WIZ: variants seen among roughly 807,000 people sequenced by gnomAD.
The protein encoded by WIZ is protein Wiz.
A neutral mutation model predicts 140.2 loss-of-function variants in WIZ; 25 were observed. That is an observed-to-expected ratio of 0.18 (90% CI 0.13 to 0.25). The LOEUF (loss-of-function observed/expected upper bound fraction) is 0.25. WIZ is among the 10% of genes least tolerant of loss of function. WIZ has a pLI of 1.00. For synonymous variants in WIZ, 1,125 were observed against 1,154.3 expected, an observed-to-expected ratio of 0.97 and a Z score of 0.51; for missense variants, 2,231 against 2,632.6, an observed-to-expected ratio of 0.85 and a Z score of 3.34.
At position 15,439,648 on chromosome 19, in the gene WIZ, GC is replaced by G; in HGVS notation, c.1345del (p.Ala449ProfsTer35). 1 of 1,495,980 alleles carries G rather than the reference GC, an allele frequency of 6.7e-7. No homozygotes were observed. The highest frequency in any genetic ancestry group is 8.9e-7 in the Non-Finnish European group (1 of 1,128,750). 92.7% of individuals were successfully genotyped at this position (1,495,980 alleles called of 1,614,324 possible). The stretch of plus-strand genomic sequence containing the variant: ...GTAGGGCTGATAGAGGAGGGCGCTG[GC>G]CTCAGGGCTGGGGCTGCCAGCCCCG... ...SSGAGSPSPEASALLYQPYGA... is the reference protein window; with the variant it reads ...SSGAGSPSPEXSALLYQPYGA... On this transcript the variant is annotated frameshift_variant, in exon 4 of 13. Transcript: ENST00000673675. LOFTEE classifies it high-confidence loss of function. This position sits in a 1 kb window ranked among gnomAD's most constrained non-coding sequence, Gnocchi z 7.0.
chr19:15,436,777 C>T (rs746492196), intron 5 of WIZ, 29 bp downstream of exon 5: 1 of 1,529,490 alleles, frequency 6.5e-7, no homozygotes, highest in East Asian at 2.4e-5. Flanking sequence ...AAGGATGGGG[C>T]TCCAGCACAG....
intron 10 of WIZ, 102 bp downstream of exon 10, chr19:15,425,139 C>A: frequency 6.6e-7 from 1 of 1,524,092 alleles, no homozygotes; most frequent in Non-Finnish European, 8.8e-7. Context: ...ACAGACCCAG[C>A]CATGGGGGCC....
In WIZ at chr19:15,427,159, T is replaced by C. The variant is rs529888125; in HGVS notation, c.4189A>G (p.Thr1397Ala). 2.5e-6 allele frequency: 4 copies of C among 1,613,994 alleles called. No homozygotes were observed. Among genetic ancestry groups the C allele is most frequent in the Non-Finnish European group, 3.4e-6 (4 of 1,179,984 alleles). The change falls in exon 9 of 13, where the codon ACG becomes GCG. Residue 1397 changes from threonine (T) to alanine (A), a missense_variant. Physicochemically the swap from Thr to Ala is moderately conservative, Grantham distance 58. This residue lies in a region of WIZ where 393 missense variants were observed against 451.7 expected (regional missense o/e 0.87). Coordinates refer to ENST00000673675, the MANE Select transcript of WIZ (RefSeq NM_001371589.1). The surrounding 1 kb of genome is among the most constrained non-coding windows in gnomAD (Gnocchi z 6.4). ...AGGCCTGGGAACATCTTTCGGGCCG[T>C]AGGAGGAGGAGAGGCAGTTGGTGAG... ...GHSPTASPPP[T>A]ARKMFPGLAA...
rs1968990762 is a variant in WIZ at position 15,428,314 on chromosome 19, G to A, written c.3610C>T (p.Pro1204Ser). 6.5e-7 allele frequency: 1 copy of A among 1,533,816 alleles called. No homozygotes were observed. Among genetic ancestry groups the A allele is most frequent in the African/African-American group, 1.4e-5 (1 of 73,078 alleles). ...GGGTGGGCCAGGGCGCCGCGCCTGG[G>A]TGGGAGGCGGATCTGGACGCCGTCC... ...RRDGVQIRLPPRRGALAHPGR... is the reference protein window; with the variant it reads ...RRDGVQIRLPSRRGALAHPGR... Residue 1204 changes from proline to serine, a missense_variant, in exon 8 of 13, where the codon CCC becomes TCC. Pro to Ser is a moderately conservative substitution (Grantham distance 74). This residue lies in a region of WIZ where 141 missense variants were observed against 161.2 expected (regional missense o/e 0.87). Coordinates refer to ENST00000673675, the MANE Select transcript of WIZ (RefSeq NM_001371589.1). This position sits in a 1 kb window ranked among gnomAD's most constrained non-coding sequence, Gnocchi z 6.4.
Position 15,428,353 on chromosome 19 carries a change from C to T in WIZ, c.3571G>A (p.Gly1191Arg), listed in dbSNP as rs1430282554. The T allele has an allele frequency of 2.5e-5, 39 of 1,535,172 alleles. No homozygotes were observed. Among genetic ancestry groups the T allele is most frequent in the Middle Eastern group, 3.3e-4 (2 of 6,000 alleles). ...AKGSPIDVLH[G>R]LIRRDGVQIR... is the part of the protein sequence containing the mutation. ...TGGACGCCGTCCCTCCTGATGAGCC[C>T]GTGGAGCACGTCTATGGGGGATCCC... The change falls in exon 8 of 13, where the codon GGG (glycine) becomes AGG (arginine). Residue 1191 changes from glycine to arginine, a missense_variant. Gly to Arg is a moderately radical substitution (Grantham distance 125, BLOSUM62 -2). Around this residue, in one of 15 missense-constraint regions of WIZ, gnomAD observed 141 missense variants for 161.2 expected, o/e 0.87. Transcript: ENST00000673675. The surrounding 1 kb of genome is among the most constrained non-coding windows in gnomAD (Gnocchi z 6.4).
Position 15,422,915 on chromosome 19 carries a change from C to G in WIZ, c.*161G>C, listed in dbSNP as rs1449568494. ...GGGGGAAGGGCAGCTAGCTGGCTCC[C>G]GGCGCCCTGGCTGTAGTGTGCCCGG... On this transcript the variant is annotated 3_prime_UTR_variant, in exon 13 of 13. Coordinates refer to ENST00000673675, the MANE Select transcript of WIZ (RefSeq NM_001371589.1). 8.9e-7 allele frequency: 1 copy of G among 1,126,642 alleles called. No individual in the cohort carries two copies. The highest frequency in any genetic ancestry group is 1.2e-6 in the Non-Finnish European group (1 of 821,558). The allele number at this position is 1,126,642 out of a possible 1,614,324, so 69.8% of individuals were successfully genotyped here.
chr19:15,429,030 C>T (rs1230710123), intron 7 of WIZ, among the ~76,000 whole-genome samples: 2 of 152,226 alleles, frequency 1.3e-5, no homozygotes, highest in African/African-American at 2.4e-5. Context: ...CTTGTTAAAC[C>T]TGCTCACTGC....
Position 15,437,137 on chromosome 19 carries a change from G to T in WIZ, c.2417-8C>A, listed in dbSNP as rs888934142. 7.6e-6 allele frequency: 12 copies of T among 1,583,078 alleles called. No individual in the cohort carries two copies. The highest frequency in any genetic ancestry group is 9.4e-6 in the Non-Finnish European group (11 of 1,165,340). On this transcript the variant is annotated splice_region_variant and splice_polypyrimidine_tract_variant and intron_variant, in intron 4 of 12. Coordinates refer to ENST00000673675, the MANE Select transcript of WIZ (RefSeq NM_001371589.1). ...CTGGGTCAAAGTTGGCCACTGTGGA[G>T]AGAGGACAGGACTGCCTGAGGTGGA...
Position 15,425,713 on chromosome 19 carries a change from G to A in WIZ, c.4422C>T (p.Phe1474=), listed in dbSNP as rs1599651502. ...DIRCEFCGEF[F]ENRKGLSSHA... The stretch of plus-strand genomic sequence containing the variant: ...GACTCGACAGGCCCTTGCGGTTCTC[G>A]AAGAACTCGCCGCAGAACTCACAGC... The change falls in exon 10 of 13, where the codon TTC becomes TTT. Residue 1474 remains phenylalanine, a synonymous_variant. Coordinates refer to ENST00000673675, the MANE Select transcript of WIZ (RefSeq NM_001371589.1). The A allele has an allele frequency of 9.9e-6, 16 of 1,611,712 alleles. No individual in the cohort carries two copies. The highest frequency in any genetic ancestry group is 1.1e-5 in the Non-Finnish European group (13 of 1,179,254).
rs975566447 is a variant in WIZ, at chr19:15,428,270, G to A, written c.3654C>T (p.Thr1218=). 4 of 1,527,372 alleles carry A rather than the reference G, an allele frequency of 2.6e-6. No individual in the cohort carries two copies. The Admixed American group carries it at 6.0e-5, about 23-fold the overall frequency. The allele number at this position is 1,527,372 out of a possible 1,614,324, so 94.6% of individuals were successfully genotyped here. ...GGGGAAGCAAGGAGAGGGCCGCGGA[G>A]GTGGGAGGCGGCCGCCCCGGGTGGG... ...ALAHPGRPPP[T]SAALSLLPPP... Residue 1218 remains threonine (T), a synonymous_variant, in exon 8 of 13, where the codon ACC becomes ACT. Coordinates refer to ENST00000673675, the MANE Select transcript of WIZ (RefSeq NM_001371589.1). This position sits in a 1 kb window ranked among gnomAD's most constrained non-coding sequence, Gnocchi z 6.4.
At chr19:15,430,118 C>T in intron 6 of WIZ, 29 bp from the exon 7 acceptor site, 11 of 1,487,730 alleles carry the variant, frequency 7.4e-6, no homozygotes, top group Non-Finnish European at 9.8e-6. Context: ...GCCGGGAGAG[C>T]AGGCTGTGAG....
intron 5 of WIZ, chr19:15,433,372 G>C: frequency 1.0e-6 from 1 of 984,694 alleles, no homozygotes; most frequent in Non-Finnish European, 1.2e-6. Flanking sequence ...CCTGGCACCC[G>C]CCCCCTCCTG....
intron 5 of WIZ, 30 bp from the exon 6 acceptor site, chr19:15,431,212 G>A: frequency 6.7e-7 from 1 of 1,484,340 alleles, no homozygotes; most frequent in Non-Finnish European, 8.9e-7. Context: ...GCTCAGCCCA[G>A]ACAAATTTCA....
Position 15,439,812 on chromosome 19 carries a change from G to A in WIZ, c.1182C>T (p.Asp394=), listed in dbSNP as rs963476280. The A allele has an allele frequency of 1.9e-5, 29 of 1,524,460 alleles. No individual in the cohort carries two copies. In the African/African-American group the frequency reaches 3.2e-4, roughly 17 times the overall value. 94.4% of individuals were successfully genotyped at this position (1,524,460 alleles called of 1,614,324 possible). ...EIQKLKQVPG[D]EGREARLQCP... is the part of the protein sequence containing the mutation. ...ACTGCAGCCGTGCCTCCCGGCCCTC[G>A]TCTCCTGGAACTTGCTTCAGCTTTT... The change falls in exon 4 of 13, where the codon GAC becomes GAT. Residue 394 remains aspartate (D), a synonymous_variant. Coordinates refer to ENST00000673675, the MANE Select transcript of WIZ (RefSeq NM_001371589.1). This position sits in a 1 kb window ranked among gnomAD's most constrained non-coding sequence, Gnocchi z 7.0.
chr19:15,435,126 G>C (rs976037873), intron 5 of WIZ, among the ~76,000 whole-genome samples: 7 of 152,098 alleles, frequency 4.6e-5, no homozygotes, highest in African/African-American at 1.7e-4. Context: ...TCTGAGGCAG[G>C]AGAATCGCTT....
intron 5 of WIZ, chr19:15,432,513 C>T (rs1283347950): frequency 3.0e-5 from 13 of 434,910 alleles, no homozygotes; most frequent in Non-Finnish European, 3.7e-5. Context: ...GTGGCGGTGG[C>T]GGTGGTGGTG....
chr19:15,425,172 C>T, intron 10 of WIZ, 69 bp downstream of exon 10: 2 of 1,544,500 alleles, frequency 1.3e-6, no homozygotes, highest in South Asian at 1.2e-5. Context: ...AGTGTGCACG[C>T]TTGTGGCATT....
intron 12 of WIZ, 40 bp from the exon 13 acceptor site, chr19:15,423,275 G>A: frequency 6.2e-7 from 1 of 1,604,354 alleles, no homozygotes. Context: ...CCAGTGCTGT[G>A]AGGAGAGGCG....
Position 15,425,763 on chromosome 19 carries a change from G to C in WIZ, c.4372C>G (p.Arg1458Gly), listed in dbSNP as rs781513451. 6.3e-7 allele frequency: 1 copy of C among 1,574,926 alleles called. No individual in the cohort carries two copies. The highest frequency in any genetic ancestry group is 8.6e-7 in the Non-Finnish European group (1 of 1,160,516). The change falls in exon 10 of 13, where the codon CGG becomes GGG. Residue 1458 changes from arginine to glycine, a missense_variant. Arg to Gly is a moderately radical substitution (Grantham distance 125). Coordinates refer to ENST00000673675, the MANE Select transcript of WIZ (RefSeq NM_001371589.1). ...CGGATGTCGCGCACCGGCTCTGCCC[G>C]GGACGCTGCAGGGGATCCAGGGTAG... ...EDMTPLNLSS[R>G]AEPVRDIRCE...
Sources: gnomAD v4.1 joint callset for allele counts (sites outside exome capture counted in the v4.1 genomes callset) on GRCh38, gnomAD v4.1.1 for gene constraint, gnomAD v4.1.1 regional missense constraint, Gnocchi (gnomAD v3.1) non-coding constraint, MANE v1.5 for transcripts, NCBI Gene and HGNC (gene_info 2026-07-23, HGNC 2026-07-21) for gene names.